Variants in SRGAP3 observed in about 807,000 individuals in gnomAD.
SRGAP3 encodes SLIT-ROBO Rho GTPase-activating protein 3.
Under a neutral mutation model 121.1 loss-of-function variants are expected in SRGAP3, and 39 were observed. The ratio of observed to expected loss-of-function variants is 0.32; its 90% CI spans 0.25 to 0.42. The LOEUF (loss-of-function observed/expected upper bound fraction) is 0.42. Ranked by LOEUF, SRGAP3 falls within the 10% of genes least tolerant of loss-of-function variation. SRGAP3 has a pLI of 1.00. For missense variants in SRGAP3, 1,213 were observed against 1,470.6 expected (o/e 0.82, Z 2.86); for synonymous variants, 601 against 570.0 (o/e 1.05, Z -0.77).
chr3:9,278,452 T>A (rs1006312495), intron 3 of SRGAP3, among the ~76,000 whole-genome samples: 6 of 152,188 alleles, frequency 3.9e-5, no homozygotes, highest in Admixed American at 3.9e-4. Flanking sequence ...TGTGACCAAC[T>A]CTCAATGCCC....
intron 3 of SRGAP3, among the ~76,000 whole-genome samples, chr3:9,316,351 C>T (rs78016569): frequency 0.11 from 16,494 of 147,056 alleles, 2,275 homozygotes; most frequent in African/African-American, 0.33. Context: ...ACTCAGCCTT[C>T]TTGGTTAAAA....
intron 2 of SRGAP3, among the ~76,000 whole-genome samples, chr3:9,110,008 A>G (rs1255596396): frequency 6.6e-6 from 1 of 152,182 alleles, no homozygotes; most frequent in Non-Finnish European, 1.5e-5. Context: ...TCCTGAGGTC[A>G]GCAGGCAGAC....
At chr3:9,204,566 G>C (rs1468796937) in intron 1 of SRGAP3, among the ~76,000 whole-genome samples, 2 of 152,206 alleles carry the variant, frequency 1.3e-5, no homozygotes, top group Non-Finnish European at 2.9e-5. Flanking sequence ...CTTTCTCCTA[G>C]CTGCAAAACA....
At chr3:9,027,905 A>T (rs1164679912) in intron 12 of SRGAP3, among the ~76,000 whole-genome samples, 1 of 152,188 alleles carries the variant, frequency 6.6e-6, no homozygotes, top group African/African-American at 2.4e-5. Context: ...TCTTGTGAAG[A>T]CAGCATGGAT....
Position 9,052,597 on chromosome 3 carries a change from C to T in SRGAP3, c.1323+430G>A, listed in dbSNP as rs113054070. On this transcript the variant is annotated intron_variant, in intron 9 of 21. Coordinates refer to ENST00000383836, the MANE Select transcript of SRGAP3 (RefSeq NM_014850.4). ...TTAACATGGGATTTTACATGAAGGG[C>T]TAGCAACTCAAGAGCAATTTGCTTG... 4.9e-3 allele frequency among the ~76,000 whole-genome samples: 742 copies of T among 152,310 alleles called. 8 individuals are homozygous for T. Among genetic ancestry groups the T allele is most frequent in the African/African-American group, 0.017 (696 of 41,574 alleles).
intron 1 of SRGAP3, among the ~76,000 whole-genome samples, chr3:9,353,790 A>G (rs2030333448): frequency 6.6e-6 from 1 of 152,194 alleles, no homozygotes; most frequent in Admixed American, 6.5e-5. Context: ...TGAGGTCCCA[A>G]AAGGTTTTCT....
intron 1 of SRGAP3, among the ~76,000 whole-genome samples, chr3:9,168,878 G>A (rs1207140437): frequency 2.0e-5 from 3 of 152,234 alleles, no homozygotes; most frequent in Non-Finnish European, 1.5e-5. Flanking sequence ...ATGTTACAGT[G>A]GTTAGGAGCA....
At chr3:9,293,655 C>T (rs867897281) in intron 3 of SRGAP3, among the ~76,000 whole-genome samples, 12 of 152,016 alleles carry the variant, frequency 7.9e-5, no homozygotes, top group African/African-American at 2.9e-4. Flanking sequence ...ACAAACAACC[C>T]CATTAAAAAG....
chr3:9,321,767 GA>G (rs1553573988), intron 3 of SRGAP3, among the ~76,000 whole-genome samples: 1 of 151,612 alleles, frequency 6.6e-6, no homozygotes, highest in Non-Finnish European at 1.5e-5. Flanking sequence ...TAAATGAGGA[GA>G]ACACATGGAC....
chr3:9,302,348 C>T (rs1401562945), intron 3 of SRGAP3, among the ~76,000 whole-genome samples: 1 of 152,190 alleles, frequency 6.6e-6, no homozygotes, highest in Non-Finnish European at 1.5e-5. Context: ...TGCCTAAACG[C>T]TTGCCCTGCT....
intron 1 of SRGAP3, among the ~76,000 whole-genome samples, chr3:9,331,222 G>T (rs1377692443): frequency 6.6e-6 from 1 of 152,114 alleles, no homozygotes; most frequent in African/African-American, 2.4e-5. Flanking sequence ...AGTAAAATTA[G>T]CTATCATTCA....
At chr3:9,306,395 C>T (rs9881530) in intron 3 of SRGAP3, among the ~76,000 whole-genome samples, 51,361 of 151,804 alleles carry the variant, frequency 0.34, 9,892 homozygotes, top group South Asian at 0.44. Context: ...TTTCTTTTGC[C>T]ATGCAGAAGC....
chr3:9,126,326 T>C (rs532641588), intron 1 of SRGAP3, among the ~76,000 whole-genome samples: 11 of 152,242 alleles, frequency 7.2e-5, no homozygotes, highest in East Asian at 1.9e-4. Flanking sequence ...AAAGGAAAAA[T>C]AGACCATTTA....
intron 1 of SRGAP3, among the ~76,000 whole-genome samples, chr3:9,164,616 C>T (rs570526888): frequency 2.0e-5 from 3 of 152,146 alleles, no homozygotes; most frequent in South Asian, 2.1e-4. Context: ...ACAAAATTTA[C>T]ACACACTCAC....
At chr3:9,342,181 T>C (rs1239198797) in intron 1 of SRGAP3, among the ~76,000 whole-genome samples, 1 of 152,032 alleles carries the variant, frequency 6.6e-6, no homozygotes, top group East Asian at 1.9e-4. Context: ...CAAAACCCCA[T>C]CTCTACTAAA....
At chr3:9,355,968 T>C (rs1304354483) in intron 1 of SRGAP3, 1 of 152,148 alleles carries the variant, frequency 6.6e-6, no homozygotes, top group Non-Finnish European at 1.5e-5. Context: ...ATAATTAACC[T>C]ACTTCCATGA....
intron 1 of SRGAP3, among the ~76,000 whole-genome samples, chr3:9,237,686 C>G (rs973580358): frequency 1.3e-5 from 2 of 152,162 alleles, no homozygotes; most frequent in Admixed American, 6.5e-5. Context: ...TGGAGAAGTC[C>G]AGAAACCAGT....
chr3:9,221,409 C>T (rs912009879), intron 1 of SRGAP3, among the ~76,000 whole-genome samples: 1 of 151,978 alleles, frequency 6.6e-6, no homozygotes, highest in Non-Finnish European at 1.5e-5. Flanking sequence ...TGGTGGTGCA[C>T]GCCTGTAGTC....
chr3:9,361,441 G>A (rs780329760), intron 1 of SRGAP3, among the ~76,000 whole-genome samples: 1 of 151,944 alleles, frequency 6.6e-6, no homozygotes, highest in Non-Finnish European at 1.5e-5. Flanking sequence ...TTTTGGTTTT[G>A]TTTTGTTTTA....
Sources: allele counts gnomAD v4.1 joint callset (sites outside exome capture counted in the v4.1 genomes callset), GRCh38; gene constraint gnomAD v4.1.1; transcripts MANE v1.5; gene names NCBI Gene and HGNC (gene_info 2026-07-23, HGNC 2026-07-21).